Variants in SEMA6D observed in about 807,000 individuals in gnomAD.
The protein encoded by SEMA6D is semaphorin-6D.
A neutral mutation model predicts 106.6 loss-of-function variants in SEMA6D; 35 were observed. The observed-to-expected ratio is 0.33, with a 90% CI of 0.25 to 0.44. SEMA6D has a LOEUF of 0.44. SEMA6D is among the 20% of genes least tolerant of loss of function. The pLI is 1.00. For synonymous variants in SEMA6D, 499 were observed against 487.7 expected (o/e 1.02, Z -0.31); for missense variants, 1,185 against 1,345.9 (o/e 0.88, Z 1.87).
At chr15:47,509,567 G>A (rs979164499) in intron 3 of SEMA6D, among the ~76,000 whole-genome samples, 1 of 152,122 alleles carries the variant, frequency 6.6e-6, no homozygotes, top group African/African-American at 2.4e-5. Context: ...CCGAATTATG[G>A]TATCCTTGTA....
chr15:47,582,106 G>A (rs114100833), intron 3 of SEMA6D, among the ~76,000 whole-genome samples: 9 of 152,268 alleles, frequency 5.9e-5, no homozygotes, highest in African/African-American at 1.2e-4. Flanking sequence ...AGAAAAATAG[G>A]CCAGATAAAT....
chr15:47,316,102 C>CTTTT lies in SEMA6D; in HGVS notation c.-238-96286_-238-96283dup, dbSNP rs67090828. Reference sequence around the variant, plus strand: ...TCCCAATCAGTATGCCATTTATTTCCTTTTTTTTGAGACAGAATCTTGTTC... The same window carrying CTTTT: ...TCCCAATCAGTATGCCATTTATTTCCTTTTTTTTTTTTGAGACAGAATCTTGTTC... On this transcript the variant is annotated intron_variant, in intron 1 of 19. Coordinates refer to the SEMA6D transcript ENST00000558014. Among the ~76,000 whole-genome samples the CTTTT allele has an allele frequency of 9.8e-5, 8 of 81,458 alleles. 1 individual carries two copies. The highest frequency in any genetic ancestry group is 7.0e-4 in the East Asian group (2 of 2,866). The allele number at this position is 81,458 out of a possible 152,430, so 53.4% of individuals were successfully genotyped here.
chr15:47,675,022 C>T (rs1206941389), intron 4 of SEMA6D, among the ~76,000 whole-genome samples: 2 of 152,174 alleles, frequency 1.3e-5, no homozygotes, highest in African/African-American at 4.8e-5. Flanking sequence ...GGCTAAGTTA[C>T]ATAACAGCAT....
chr15:47,196,766 G>T (rs774684230), intron 1 of SEMA6D, among the ~76,000 whole-genome samples: 1 of 152,166 alleles, frequency 6.6e-6, no homozygotes, highest in African/African-American at 2.4e-5. Context: ...AGTTGCACAC[G>T]ATTCAAGAGA....
chr15:47,727,727 C>T (rs1383488403), intron 1 of SEMA6D, among the ~76,000 whole-genome samples: 1 of 148,322 alleles, frequency 6.7e-6, no homozygotes, highest in Non-Finnish European at 1.5e-5. Flanking sequence ...AGGGCACTCA[C>T]TTATTTCTGC....
chr15:47,245,355 T>C (rs1053929247), intron 1 of SEMA6D, among the ~76,000 whole-genome samples: 1 of 152,188 alleles, frequency 6.6e-6, no homozygotes, highest in Non-Finnish European at 1.5e-5. Context: ...ATAGCCTTTT[T>C]AATAGTAGCC....
intron 1 of SEMA6D, among the ~76,000 whole-genome samples, chr15:47,281,876 A>G (rs1040241164): frequency 2.6e-5 from 4 of 152,126 alleles, no homozygotes; most frequent in Non-Finnish European, 4.4e-5. Flanking sequence ...ACATCTAAAT[A>G]TAGATATTTT....
chr15:47,593,685 T>A (rs758194430), intron 3 of SEMA6D, among the ~76,000 whole-genome samples: 1 of 152,076 alleles, frequency 6.6e-6, no homozygotes, highest in Non-Finnish European at 1.5e-5. Flanking sequence ...AGAAAAGAGA[T>A]TTAATTGGCT....
chr15:47,769,753 CA>C (rs1268078842), intron 18 of SEMA6D, among the ~76,000 whole-genome samples: 1 of 151,952 alleles, frequency 6.6e-6, no homozygotes, highest in Non-Finnish European at 1.5e-5. Flanking sequence ...AGTTTAATTT[CA>C]GTAATTATAA....
At chr15:47,620,326 G>A (rs754399664) in intron 4 of SEMA6D, among the ~76,000 whole-genome samples, 1 of 152,186 alleles carries the variant, frequency 6.6e-6, no homozygotes, top group Non-Finnish European at 1.5e-5. Context: ...TCCCTGAGTG[G>A]AGGGCATGTG....
At chr15:47,460,528 C>T (rs1171847739) in intron 2 of SEMA6D, among the ~76,000 whole-genome samples, 1 of 152,092 alleles carries the variant, frequency 6.6e-6, no homozygotes, top group Non-Finnish European at 1.5e-5. Context: ...AAAACTACAT[C>T]ATGATGCTGT....
Position 47,753,480 on chromosome 15 carries a change from A to C in SEMA6D, c.-54-6265A>C, listed in dbSNP as rs75274290. On this transcript the variant is annotated intron_variant, in intron 1 of 18. Transcript: ENST00000536845. ...TAATGGACATGATTGACCATTGACA[A>C]CCTAAGATGGATAAAGAGGTATGTC... Among the ~76,000 whole-genome samples the C allele has an allele frequency of 9.9e-5, 15 of 152,284 alleles. No homozygotes were observed. In the East Asian group the frequency reaches 2.9e-3, roughly 29 times the overall value.
At chr15:47,211,286 TCTTTCCATACTAATAATTATGGA>T (rs1399319881) in intron 1 of SEMA6D, among the ~76,000 whole-genome samples, 1 of 152,186 alleles carries the variant, frequency 6.6e-6, no homozygotes, top group African/African-American at 2.4e-5. Flanking sequence ...AGCTTGCATC[TCTTTCCATACTAATAATTATGGA>T]TTTACTTCAT....
At chr15:47,560,364 G>A (rs1449292589) in intron 3 of SEMA6D, among the ~76,000 whole-genome samples, 1 of 151,926 alleles carries the variant, frequency 6.6e-6, no homozygotes, top group Non-Finnish European at 1.5e-5. Flanking sequence ...TCAATGAAGG[G>A]AGAGAAATTA....
chr15:47,626,107 T>A (rs2077197697), intron 4 of SEMA6D, among the ~76,000 whole-genome samples: 1 of 152,172 alleles, frequency 6.6e-6, no homozygotes, highest in Non-Finnish European at 1.5e-5. Context: ...CAGGTAGAGT[T>A]GGAAGACTTC....
chr15:47,512,081 T>C (rs1566845252), intron 3 of SEMA6D, among the ~76,000 whole-genome samples: 1 of 152,210 alleles, frequency 6.6e-6, no homozygotes, highest in African/African-American at 2.4e-5. Context: ...TTAGTCAACA[T>C]CCGCACACGT....
At chr15:47,423,093 G>A (rs1005008446) in intron 2 of SEMA6D, among the ~76,000 whole-genome samples, 4 of 151,982 alleles carry the variant, frequency 2.6e-5, no homozygotes, top group Non-Finnish European at 4.4e-5. Context: ...TGTTTCTTCC[G>A]AATGACTCTG....
At chr15:47,506,904 T>C (rs1052126110) in intron 3 of SEMA6D, among the ~76,000 whole-genome samples, 1 of 152,140 alleles carries the variant, frequency 6.6e-6, no homozygotes, top group African/African-American at 2.4e-5. Flanking sequence ...CATCCTCTAA[T>C]CCAAGCATAA....
At chr15:47,331,550 TATATC>T (rs2037340712) in intron 1 of SEMA6D, among the ~76,000 whole-genome samples, 1 of 152,130 alleles carries the variant, frequency 6.6e-6, no homozygotes, top group South Asian at 2.1e-4. Flanking sequence ...TATACAGTGT[TATATC>T]ATTTTTTCAA....
Sources: gnomAD v4.1 joint callset for allele counts (sites outside exome capture counted in the v4.1 genomes callset) on GRCh38, gnomAD v4.1.1 for gene constraint, MANE v1.5 for transcripts, NCBI Gene and HGNC (gene_info 2026-07-23, HGNC 2026-07-21) for gene names.